RABGAP1L: variants seen among roughly 807,000 people sequenced by gnomAD.
The protein encoded by RABGAP1L is rab GTPase-activating protein 1-like.
Under a neutral mutation model 137.7 loss-of-function variants are expected in RABGAP1L, and 63 were observed. The observed-to-expected ratio is 0.46, with a 90% confidence interval of 0.37 to 0.56. The LOEUF (loss-of-function observed/expected upper bound fraction) is 0.56. RABGAP1L is among the 20% of genes least tolerant of loss of function. The pLI, the probability that RABGAP1L is intolerant of heterozygous loss-of-function variation, is 0.00. For synonymous variants in RABGAP1L, 431 were observed against 433.7 expected, an observed-to-expected ratio of 0.99 and a Z score of 0.08; for missense variants, 1,095 against 1,244.0, an observed-to-expected ratio of 0.88 and a Z score of 1.80.
rs1484798394 is a variant in RABGAP1L, at chr1:174,409,444, AATTG to A, written c.1710+15304_1710+15307del. 7.2e-5 allele frequency among the ~76,000 whole-genome samples: 11 copies of A among 152,168 alleles called. No homozygotes were observed. In the East Asian group the frequency reaches 1.5e-3, roughly 21 times the overall value. ...CACTATAATTGTATGTAACTGTACA[AATTG>A]ATTGTAAAACGTGTGTTTGAACAAT... On this transcript the variant is annotated intron_variant, in intron 13 of 25. Transcript: ENST00000681986.
At chr1:174,336,474 A>C (rs1250483378) in intron 11 of RABGAP1L, among the ~76,000 whole-genome samples, 9 of 152,192 alleles carry the variant, frequency 5.9e-5, no homozygotes, top group Admixed American at 5.9e-4. Flanking sequence ...ATAGAAAAGA[A>C]ATGAACTTTT....
intron 19 of RABGAP1L, among the ~76,000 whole-genome samples, chr1:174,880,957 G>A (rs1437651334): frequency 2.6e-5 from 4 of 152,154 alleles, no homozygotes; most frequent in Non-Finnish European, 5.9e-5. Flanking sequence ...AAGGAGAAAA[G>A]AAACAAATAC....
chr1:174,647,307 C>T (rs1447715910), intron 14 of RABGAP1L, among the ~76,000 whole-genome samples: 1 of 152,074 alleles, frequency 6.6e-6, no homozygotes, highest in Non-Finnish European at 1.5e-5. Context: ...GGAGTGCTTC[C>T]AGCTTTTGCC....
chr1:174,455,864 A>C (rs920609817), intron 13 of RABGAP1L, among the ~76,000 whole-genome samples: 1 of 152,116 alleles, frequency 6.6e-6, no homozygotes, highest in Non-Finnish European at 1.5e-5. Flanking sequence ...CTCATTTCAC[A>C]TATAGGAATC....
At chr1:174,756,981 CA>C in intron 18 of RABGAP1L, 2 of 933,734 alleles carry the variant, frequency 2.1e-6, no homozygotes, top group East Asian at 4.3e-5. Flanking sequence ...AGAAACTGGC[CA>C]AGGACAACAT....
intron 13 of RABGAP1L, among the ~76,000 whole-genome samples, chr1:174,468,698 C>T (rs1356207183): frequency 6.6e-6 from 1 of 151,608 alleles, no homozygotes; most frequent in Non-Finnish European, 1.5e-5. Flanking sequence ...ATAGACACTA[C>T]ATCTATATCT....
chr1:174,757,556 AAATAT>A (rs1684864048), intron 18 of RABGAP1L, among the ~76,000 whole-genome samples: 2 of 148,638 alleles, frequency 1.3e-5, no homozygotes, highest in Admixed American at 1.3e-4. Context: ...ATTTATACAT[AAATAT>A]AATAAATATA....
chr1:174,493,603 T>G (rs895256302), intron 13 of RABGAP1L, among the ~76,000 whole-genome samples: 1 of 151,630 alleles, frequency 6.6e-6, no homozygotes, highest in Non-Finnish European at 1.5e-5. Flanking sequence ...GTGGATTGCT[T>G]GAGTCCAGGA....
intron 21 of RABGAP1L, among the ~76,000 whole-genome samples, chr1:174,969,881 A>C (rs561328202): frequency 1.3e-5 from 2 of 152,242 alleles, no homozygotes. Context: ...ACTGTGAACC[A>C]TATGACCCTG....
At chr1:174,182,729 GCATTTAAGAC>G (rs1176353896) in intron 1 of RABGAP1L, among the ~76,000 whole-genome samples, 1 of 151,136 alleles carries the variant, frequency 6.6e-6, no homozygotes, top group Non-Finnish European at 1.5e-5. Context: ...ATCTTTGTTA[GCATTTAAGAC>G]TTTTACTTCC....
At chr1:174,904,537 T>A (rs1558214380) in intron 19 of RABGAP1L, among the ~76,000 whole-genome samples, 2 of 152,178 alleles carry the variant, frequency 1.3e-5, no homozygotes, top group Admixed American at 1.3e-4. Flanking sequence ...GGGACTATCA[T>A]CCCTAGCTCT....
chr1:174,443,986 C>T (rs1431196824), intron 13 of RABGAP1L, among the ~76,000 whole-genome samples: 1 of 151,924 alleles, frequency 6.6e-6, no homozygotes, highest in Non-Finnish European at 1.5e-5. Flanking sequence ...TTTAGGTTGA[C>T]TATAAATGTG....
At chr1:174,312,714 T>C (rs186414458) in intron 11 of RABGAP1L, among the ~76,000 whole-genome samples, 17 of 152,314 alleles carry the variant, frequency 1.1e-4, no homozygotes, top group Admixed American at 2.6e-4. Context: ...GTGTTTCTTA[T>C]AGTAGTTTTA....
At chr1:174,946,915 AAAATATAT>A (rs1350120209) in intron 19 of RABGAP1L, among the ~76,000 whole-genome samples, 4 of 53,928 alleles carry the variant, frequency 7.4e-5, no homozygotes, top group South Asian at 6.4e-4. Context: ...AAAAAAAAAA[AAAATATAT>A]ATATATATAT....
intron 13 of RABGAP1L, among the ~76,000 whole-genome samples, chr1:174,563,754 C>A (rs760924663): frequency 5.3e-5 from 8 of 152,106 alleles, no homozygotes; most frequent in Non-Finnish European, 8.8e-5. Context: ...ATGCTAGCAT[C>A]TCCAGTGGCA....
chr1:174,658,439 A>G (rs547639114), intron 14 of RABGAP1L, among the ~76,000 whole-genome samples: 1 of 152,164 alleles, frequency 6.6e-6, no homozygotes, highest in African/African-American at 2.4e-5. Flanking sequence ...TATATTTGTA[A>G]CTAACTTCTC....
At chr1:174,814,391 C>T (rs192803982) in intron 19 of RABGAP1L, among the ~76,000 whole-genome samples, 33 of 152,060 alleles carry the variant, frequency 2.2e-4, no homozygotes, top group Admixed American at 8.5e-4. Flanking sequence ...ATATTTAAGA[C>T]GGTATCCACG....
chr1:174,437,955 T>C (rs1221137100), intron 13 of RABGAP1L, among the ~76,000 whole-genome samples: 1 of 152,180 alleles, frequency 6.6e-6, no homozygotes, highest in Non-Finnish European at 1.5e-5. Context: ...CAGAATTTCA[T>C]ATCCAGCCAA....
intron 19 of RABGAP1L, among the ~76,000 whole-genome samples, chr1:174,904,477 C>T (rs2149170859): frequency 6.6e-6 from 1 of 152,170 alleles, no homozygotes; most frequent in East Asian, 1.9e-4. Flanking sequence ...ATCATGACTG[C>T]CTAAAGGGAG....
Sources: gnomAD v4.1 joint callset for allele counts (sites outside exome capture counted in the v4.1 genomes callset) on GRCh38, gnomAD v4.1.1 for gene constraint, MANE v1.5 for transcripts, NCBI Gene and HGNC (gene_info 2026-07-23, HGNC 2026-07-21) for gene names.